Variants in PDE1A observed in about 807,000 individuals in gnomAD.
PDE1A encodes phosphodiesterase 1A, also known as dual specificity calcium/calmodulin-dependent 3',5'-cyclic nucleotide phosphodiesterase 1A.
A neutral mutation model predicts 61.7 loss-of-function variants in PDE1A; 35 were observed. The ratio of observed to expected loss-of-function variants is 0.57; its 90% CI spans 0.43 to 0.75. PDE1A has a LOEUF of 0.75. Among genes scored for constraint, PDE1A ranks in the 30% least tolerant of loss-of-function variants. PDE1A has a pLI of 0.00. For synonymous variants in PDE1A, 232 were observed against 213.2 expected (o/e 1.09, Z -0.77); for missense variants, 597 against 630.6 (o/e 0.95, Z 0.57).
At chr2:182,193,645 C>A (rs1685896734) in intron 10 of PDE1A, among the ~76,000 whole-genome samples, 1 of 152,030 alleles carries the variant, frequency 6.6e-6, no homozygotes. Context: ...CGAAGAACGC[C>A]ACGAAAAACA....
At chr2:182,293,375 A>G (rs2125892787) in intron 1 of PDE1A, among the ~76,000 whole-genome samples, 1 of 152,308 alleles carries the variant, frequency 6.6e-6, no homozygotes, top group East Asian at 1.9e-4. Flanking sequence ...TTCAGAGAAC[A>G]GCAATTCTGC....
chr2:182,216,165 C>T (rs1256404544), intron 7 of PDE1A, among the ~76,000 whole-genome samples: 34 of 79,208 alleles, frequency 4.3e-4, no homozygotes, highest in African/African-American at 1.4e-3. Flanking sequence ...AAGACAAAAA[C>T]CACATGATTA....
At chr2:182,712,666 C>G in the PDE1A span, among the ~76,000 whole-genome samples, 1 of 152,066 alleles carries the variant, frequency 6.6e-6, no homozygotes, top group South Asian at 2.1e-4. Flanking sequence ...ATGCCATTCT[C>G]CTGTCTCAGC....
At chr2:182,618,569 C>CA in the PDE1A span, among the ~76,000 whole-genome samples, 2 of 122,090 alleles carry the variant, frequency 1.6e-5, no homozygotes, top group African/African-American at 2.6e-5. Context: ...ATTCTGCTTG[C>CA]AAAAAAACAA....
intron 1 of PDE1A, among the ~76,000 whole-genome samples, chr2:182,367,719 A>T (rs951994465): frequency 7.2e-5 from 11 of 152,246 alleles, no homozygotes; most frequent in Admixed American, 5.9e-4. Context: ...TACTTTAAAA[A>T]ATTAATTGAA....
At chr2:182,239,609 GA>G (rs3835905) in intron 3 of PDE1A, among the ~76,000 whole-genome samples, 110,009 of 150,208 alleles carry the variant, frequency 0.73, 40,507 homozygotes, top group African/African-American at 0.84. Context: ...CAGAAATGTT[GA>G]AAAAAAAAAA....
At chr2:182,345,829 T>G (rs1698486837) in intron 1 of PDE1A, among the ~76,000 whole-genome samples, 1 of 152,130 alleles carries the variant, frequency 6.6e-6, no homozygotes, top group Non-Finnish European at 1.5e-5. Context: ...TCATGTCCCC[T>G]CCCCGTGATT....
chr2:182,380,695 G>A (rs754835103), intron 1 of PDE1A, among the ~76,000 whole-genome samples: 3 of 151,950 alleles, frequency 2.0e-5, no homozygotes, highest in Non-Finnish European at 4.4e-5. Context: ...TTTTAATTGC[G>A]AAAATTATTT....
intron 2 of PDE1A, among the ~76,000 whole-genome samples, chr2:182,517,022 G>A (rs73044475): frequency 0.012 from 1,840 of 152,208 alleles, 40 homozygotes; most frequent in African/African-American, 0.042. Context: ...GGATTAAGAC[G>A]TGGACATTTC....
intron 2 of PDE1A, among the ~76,000 whole-genome samples, chr2:182,437,027 T>A (rs561943611): frequency 5.3e-5 from 8 of 152,106 alleles, no homozygotes; most frequent in Admixed American, 2.0e-4. Flanking sequence ...AGAGACACAT[T>A]TATCTGGTTT....
intron 13 of PDE1A, among the ~76,000 whole-genome samples, chr2:182,154,019 A>G (rs17366218): frequency 0.019 from 2,888 of 152,326 alleles, 45 homozygotes; most frequent in Non-Finnish European, 0.027. Flanking sequence ...GATTTTAACT[A>G]TCTACCTAAG....
intron 7 of PDE1A, among the ~76,000 whole-genome samples, chr2:182,209,970 T>A (rs1375311610): frequency 6.6e-6 from 1 of 152,222 alleles, no homozygotes; most frequent in Non-Finnish European, 1.5e-5. Flanking sequence ...TTTTCACCGA[T>A]TGATAGCTAA....
At chr2:182,466,562 G>C (rs1378065182) in intron 2 of PDE1A, among the ~76,000 whole-genome samples, 2 of 151,962 alleles carry the variant, frequency 1.3e-5, no homozygotes, top group Non-Finnish European at 2.9e-5. Context: ...ATCTCACCTG[G>C]AGAGGTGAGG....
chr2:182,282,397 C>A lies in PDE1A; in HGVS notation c.54-17983G>T, dbSNP rs148786927. Among the ~76,000 whole-genome samples, 800 of 152,076 alleles carry A rather than the reference C, an allele frequency of 5.3e-3. 6 individuals carry two copies. Among genetic ancestry groups the A allele is most frequent in the Non-Finnish European group, 7.8e-3 (529 of 67,914 alleles). On this transcript the variant is annotated intron_variant, in intron 1 of 13. Transcript: ENST00000351439. The stretch of plus-strand genomic sequence containing the variant: ...TGCCCTAATTTTAGCTATCAAACAT[C>A]TTCCCTAAGAAAAACTTTCTATGTG...
At chr2:182,444,815 G>GAATGTACT (rs1685028681) in intron 2 of PDE1A, among the ~76,000 whole-genome samples, 1 of 152,052 alleles carries the variant, frequency 6.6e-6, no homozygotes, top group South Asian at 2.1e-4. Context: ...TTTCCCAAAA[G>GAATGTACT]AATGTACTTC....
intron 2 of PDE1A, among the ~76,000 whole-genome samples, chr2:182,493,563 T>A (rs1688529001): frequency 6.6e-6 from 1 of 152,090 alleles, no homozygotes; most frequent in South Asian, 2.1e-4. Context: ...GACCCAGCAA[T>A]CCCATTACTG....
At chr2:182,382,127 A>T (rs13417045) in intron 1 of PDE1A, among the ~76,000 whole-genome samples, 38,887 of 152,038 alleles carry the variant, frequency 0.26, 5,168 homozygotes, top group East Asian at 0.45. Context: ...ATAGGTGGAA[A>T]CTGTGACTAT....
At chr2:182,608,739 A>G in the PDE1A span, among the ~76,000 whole-genome samples, 2 of 152,166 alleles carry the variant, frequency 1.3e-5, no homozygotes, top group Non-Finnish European at 2.9e-5. Flanking sequence ...CCCCTGCTCC[A>G]CGGCGCCCAG....
the PDE1A span, among the ~76,000 whole-genome samples, chr2:182,616,118 G>A: frequency 6.6e-6 from 1 of 152,204 alleles, no homozygotes; most frequent in African/African-American, 2.4e-5. Context: ...AATGTTGTAA[G>A]AATTAAGTTC....
Sources: allele counts gnomAD v4.1 joint callset (sites outside exome capture counted in the v4.1 genomes callset), GRCh38; gene constraint gnomAD v4.1.1; transcripts MANE v1.5; gene names NCBI Gene and HGNC (gene_info 2026-07-23, HGNC 2026-07-21).